Variants in ELP4 observed in about 807,000 individuals in gnomAD.
ELP4 encodes the protein elongator acetyltransferase complex subunit 4.
Under a neutral mutation model 48.9 loss-of-function variants are expected in ELP4, and 51 were observed. The ratio of observed to expected loss-of-function variants is 1.04; its 90% CI spans 0.83 to 1.32. ELP4 has a LOEUF of 1.32. ELP4 is among the 40% of genes most tolerant of loss of function. The probability of loss-of-function intolerance (pLI) is 0.00; values close to 1 mark genes in which losing one functional copy is unlikely to be tolerated. For synonymous variants in ELP4, 210 were observed against 189.2 expected, an observed-to-expected ratio of 1.11 and a Z score of -0.90; for missense variants, 519 against 514.6, an observed-to-expected ratio of 1.01 and a Z score of -0.08.
chr11:31,659,543 C>T (rs1945509352), intron 9 of ELP4, among the ~76,000 whole-genome samples: 1 of 152,036 alleles, frequency 6.6e-6, no homozygotes, highest in Admixed American at 6.6e-5. Flanking sequence ...AAACTTGTTT[C>T]AAATATTATT....
At chr11:31,616,701 G>C (rs984179120) in intron 5 of ELP4, among the ~76,000 whole-genome samples, 6 of 151,898 alleles carry the variant, frequency 4.0e-5, no homozygotes, top group Non-Finnish European at 8.8e-5. Context: ...CCAGAATAAA[G>C]AACTCCTACG....
chr11:31,712,322 T>C (rs1946758481), intron 9 of ELP4, among the ~76,000 whole-genome samples: 1 of 152,094 alleles, frequency 6.6e-6, no homozygotes, highest in Non-Finnish European at 1.5e-5. Flanking sequence ...TTAAATATCA[T>C]TGAAATAAAA....
At chr11:31,585,420 G>A (rs933138821) in intron 3 of ELP4, among the ~76,000 whole-genome samples, 38 of 149,978 alleles carry the variant, frequency 2.5e-4, no homozygotes, top group African/African-American at 9.3e-4. Flanking sequence ...AGAGAATAAA[G>A]AGCCTGGGTA....
At chr11:31,752,592 T>G (rs1222593594) in intron 9 of ELP4, among the ~76,000 whole-genome samples, 3 of 152,056 alleles carry the variant, frequency 2.0e-5, no homozygotes, top group Non-Finnish European at 4.4e-5. Flanking sequence ...CCCAGCACTT[T>G]GGGAGGCCGA....
At chr11:31,641,692 G>A (rs1451978882) in intron 7 of ELP4, among the ~76,000 whole-genome samples, 1 of 151,806 alleles carries the variant, frequency 6.6e-6, no homozygotes. Flanking sequence ...CTTCCGTCAG[G>A]TTCCCATCAT....
chr11:31,558,082 C>T (rs1414809118), intron 3 of ELP4, among the ~76,000 whole-genome samples: 9 of 151,612 alleles, frequency 5.9e-5, no homozygotes, highest in African/African-American at 1.9e-4. Flanking sequence ...CTTTTCAGTG[C>T]TTACTACTCT....
In ELP4 at chr11:31,788,021, G is replaced by C. The variant is rs1476305293; in HGVS notation, c.*4497G>C. On this transcript the variant is annotated 3_prime_UTR_variant, in exon 10 of 10. Transcript: ENST00000640961. ...CCCAGGCTTTTTAGTGAAGTTTGCAGAGGAAGACTTATCTGTATTGACTTA... is the reference window on the plus strand; with the variant it reads ...CCCAGGCTTTTTAGTGAAGTTTGCACAGGAAGACTTATCTGTATTGACTTA... 3 of 222,410 alleles carry C rather than the reference G, an allele frequency of 1.3e-5. No individual in the cohort carries two copies. The Admixed American group carries it at 1.7e-4, about 13-fold the overall frequency. The allele number at this position is 222,410 out of a possible 1,614,324, so 13.8% of individuals were successfully genotyped here.
chr11:31,600,536 A>G (rs935702502), intron 4 of ELP4: 3 of 152,150 alleles, frequency 2.0e-5, no homozygotes, highest in Admixed American at 6.6e-5. Context: ...CAATAAGGCA[A>G]TGTAATTACA....
intron 9 of ELP4, among the ~76,000 whole-genome samples, chr11:31,744,113 C>T (rs1002908448): frequency 6.6e-6 from 1 of 152,162 alleles, no homozygotes; most frequent in African/African-American, 2.4e-5. Context: ...ACTATAAACA[C>T]CTCTATGCAA....
Position 31,789,912 on chromosome 11 carries a change from C to CTTTTTTTTTTTTTTTT in ELP4, c.*6396_*6411dup. 5.7e-6 allele frequency: 6 copies of CTTTTTTTTTTTTTTTT among 1,046,002 alleles called. No homozygotes were observed. The highest frequency in any genetic ancestry group is 1.5e-5 in the South Asian group (1 of 67,596). The allele number at this position is 1,046,002 out of a possible 1,614,324, so 64.8% of individuals were successfully genotyped here. ...CTGAATTAACACAATATTTCCTTTC[C>CTTTTTTTTTTTTTTTT]TTTTTTTTTTTTTTTTTTTTTTTAC... On this transcript the variant is annotated 3_prime_UTR_variant, in exon 10 of 10. Coordinates refer to ENST00000640961, the MANE Select transcript of ELP4 (RefSeq NM_019040.5).
intron 3 of ELP4, among the ~76,000 whole-genome samples, chr11:31,546,966 T>C (rs982095979): frequency 3.3e-5 from 5 of 151,852 alleles, no homozygotes; most frequent in Non-Finnish European, 7.4e-5. Context: ...TACCAGAATC[T>C]CTGGGACACA....
chr11:31,557,885 A>G (rs994922036), intron 3 of ELP4, among the ~76,000 whole-genome samples: 3 of 152,098 alleles, frequency 2.0e-5, no homozygotes, highest in Non-Finnish European at 4.4e-5. Context: ...ACACATTTTT[A>G]CTTTTCCTAG....
intron 9 of ELP4, among the ~76,000 whole-genome samples, chr11:31,735,192 A>T (rs1266872468): frequency 6.6e-6 from 1 of 151,400 alleles, no homozygotes; most frequent in African/African-American, 2.4e-5. Context: ...AAAAAAAGAG[A>T]TTGGATCCTC....
Position 31,785,678 on chromosome 11 carries a change from T to A in ELP4, c.*2154T>A, listed in dbSNP as rs2134304940. ...TAAGCTACTGGAGAGGGGTGTGTATTTTTGTCTTCCTCTGATAAAAACGCA... is the reference window on the plus strand; with the variant it reads ...TAAGCTACTGGAGAGGGGTGTGTATATTTGTCTTCCTCTGATAAAAACGCA... On this transcript the variant is annotated 3_prime_UTR_variant, in exon 10 of 10. Coordinates refer to ENST00000640961, the MANE Select transcript of ELP4 (RefSeq NM_019040.5). 5.1e-6 allele frequency: 1 copy of A among 194,534 alleles called. No homozygotes were observed. The highest frequency in any genetic ancestry group is 8.1e-5 in the East Asian group (1 of 12,314). The allele number at this position is 194,534 out of a possible 1,614,324, so 12.1% of individuals were successfully genotyped here.
At chr11:31,549,527 A>G (rs1956800910) in intron 3 of ELP4, among the ~76,000 whole-genome samples, 1 of 151,818 alleles carries the variant, frequency 6.6e-6, no homozygotes, top group Non-Finnish European at 1.5e-5. Flanking sequence ...GAACACTTTT[A>G]CACTGTTGGT....
chr11:31,687,326 T>TTAGATTCAGAAG (rs1396756504), intron 9 of ELP4, among the ~76,000 whole-genome samples: 23 of 152,266 alleles, frequency 1.5e-4, no homozygotes, highest in African/African-American at 5.3e-4. Flanking sequence ...GAAAACATGT[T>TTAGATTCAGAAG]TAGATTCAGA....
At chr11:31,584,484 T>A (rs1447148883) in intron 3 of ELP4, among the ~76,000 whole-genome samples, 1 of 152,058 alleles carries the variant, frequency 6.6e-6, no homozygotes, top group Admixed American at 6.5e-5. Context: ...GTAAGATAAC[T>A]TTAAAATAAT....
In ELP4 at chr11:31,603,898, T is replaced by C. The variant is rs762329767; in HGVS notation, c.644T>C (p.Val215Ala). 2 of 1,610,982 alleles carry C rather than the reference T, an allele frequency of 1.2e-6. No individual in the cohort carries two copies. Among genetic ancestry groups the C allele is most frequent in the Non-Finnish European group, 1.7e-6 (2 of 1,178,014 alleles). ...GAGAAAATATCTTCAACTCTCAAAG[T>C]AGAACCCTGGTAAGTTAATGACCCA... Reference protein sequence around the residue: ...LPEKISSTLKVEPCSLTPGYT... With the variant: ...LPEKISSTLKAEPCSLTPGYT... The change falls in exon 5 of 10, where the codon GTA becomes GCA. Residue 215 changes from valine to alanine, a missense_variant. Coordinates refer to ENST00000640961, the MANE Select transcript of ELP4 (RefSeq NM_019040.5).
intron 3 of ELP4, among the ~76,000 whole-genome samples, chr11:31,578,912 T>C (rs11031415): frequency 0.013 from 1,947 of 152,190 alleles, 24 homozygotes; most frequent in African/African-American, 0.045. Context: ...CCAAAAGCAA[T>C]GACAACAAAA....
Sources: gnomAD v4.1 joint callset for allele counts (sites outside exome capture counted in the v4.1 genomes callset) on GRCh38, gnomAD v4.1.1 for gene constraint, MANE v1.5 for transcripts, NCBI Gene and HGNC (gene_info 2026-07-23, HGNC 2026-07-21) for gene names.